Variants in MID1 observed in about 807,000 individuals in gnomAD.
The protein encoded by MID1 is E3 ubiquitin-protein ligase Midline-1.
A neutral mutation model predicts 40.4 loss-of-function variants in MID1; 7 were observed. The observed-to-expected ratio is 0.17, with a 90% CI of 0.10 to 0.33. The LOEUF (loss-of-function observed/expected upper bound fraction) is 0.33. MID1 is among the 10% of genes least tolerant of loss of function. MID1 has a pLI of 1.00. For synonymous variants in MID1, 229 were observed against 221.2 expected, an observed-to-expected ratio of 1.04 and a Z score of -0.31; for missense variants, 367 against 558.5, an observed-to-expected ratio of 0.66 and a Z score of 3.46.
intron 1 of MID1, among the ~76,000 whole-genome samples, chrX:10,703,504 A>G (rs903893352): frequency 9.0e-6 from 1 of 110,935 alleles, no homozygotes; most frequent in Admixed American, 9.6e-5. Flanking sequence ...CATCACTACT[A>G]AAAATACAAA....
At chrX:10,756,472 G>A (rs1378710466) in intron 1 of MID1, among the ~76,000 whole-genome samples, 6 of 112,016 alleles carry the variant, frequency 5.4e-5, no homozygotes, top group Non-Finnish European at 1.1e-4. Flanking sequence ...AAGTACAATC[G>A]TGTAGGGCAT....
intron 1 of MID1, among the ~76,000 whole-genome samples, chrX:10,581,256 A>C (rs1935011381): frequency 9.0e-6 from 1 of 110,698 alleles, no homozygotes; most frequent in South Asian, 3.7e-4. Context: ...AGTCATATAA[A>C]ACAAAACAAA....
rs1280889207 is a variant in MID1, at chrX:10,527,972, T to C, written c.661-4785A>G. ...GAGAACTCATCTACGATCATCTCCA[T>C]AGACCACCTAACCCATTTTTGCGTA... On this transcript the variant is annotated intron_variant, in intron 2 of 9. Coordinates refer to ENST00000317552, the MANE Select transcript of MID1 (RefSeq NM_000381.4). Among the ~76,000 whole-genome samples, 8 of 112,180 alleles carry C rather than the reference T, an allele frequency of 7.1e-5. No individual in the cohort carries two copies. The East Asian group carries it at 1.7e-3, about 24-fold the overall frequency.
intron 2 of MID1, among the ~76,000 whole-genome samples, chrX:10,539,187 T>A (rs1965010): frequency 0.45 from 49,365 of 110,785 alleles, 9,021 homozygotes; most frequent in African/African-American, 0.65. Context: ...TATTTTACTT[T>A]ACAAAAGTAA....
At chrX:10,702,024 T>C (rs780328434) in intron 1 of MID1, among the ~76,000 whole-genome samples, 33 of 112,835 alleles carry the variant, frequency 2.9e-4, no homozygotes, top group Non-Finnish European at 5.2e-4. Flanking sequence ...ATTGCAATCA[T>C]GTTTCTGCAC....
intron 1 of MID1, among the ~76,000 whole-genome samples, chrX:10,815,318 G>A (rs893049348): frequency 5.0e-4 from 56 of 112,059 alleles, no homozygotes; most frequent in African/African-American, 1.7e-3. Context: ...AGTGCAAGCT[G>A]AGCCAGAACA....
intron 1 of MID1, among the ~76,000 whole-genome samples, chrX:10,577,252 C>T (rs921072318): frequency 8.9e-6 from 1 of 111,947 alleles, no homozygotes; most frequent in Non-Finnish European, 1.9e-5. Flanking sequence ...GCTTTCAATG[C>T]CACCAATAGG....
intron 2 of MID1, among the ~76,000 whole-genome samples, chrX:10,529,696 C>T (rs140920058): frequency 4.5e-5 from 5 of 111,816 alleles, no homozygotes; most frequent in Admixed American, 3.8e-4. Context: ...AGCATGGGCG[C>T]AGTCTCTTCC....
chrX:10,826,313 C>A (rs1042793141), intron 1 of MID1, among the ~76,000 whole-genome samples: 1 of 111,545 alleles, frequency 9.0e-6, no homozygotes, highest in African/African-American at 3.3e-5. Context: ...TCTACCACCA[C>A]GATATTAGTA....
rs946015622 is a variant in MID1 at position 10,641,818 on chromosome X, G to A, written c.-186-21399C>T. Among the ~76,000 whole-genome samples, 8 of 111,015 alleles carry A rather than the reference G, an allele frequency of 7.2e-5. No individual in the cohort carries two copies. The South Asian group carries it at 1.2e-3, about 16-fold the overall frequency. On this transcript the variant is annotated intron_variant, in intron 1 of 10. Coordinates refer to the MID1 transcript ENST00000380785. ...CAGCACATCAAAACGTTTATCCACC[G>A]CGATCAAGTTGGCTTCATCCCTGGG...
At chrX:10,551,991 T>C (rs1184808970) in intron 2 of MID1, among the ~76,000 whole-genome samples, 1 of 110,644 alleles carries the variant, frequency 9.0e-6, no homozygotes, top group Non-Finnish European at 1.9e-5. Flanking sequence ...GGTTTCACTA[T>C]GTTGCCCAGG....
intron 2 of MID1, among the ~76,000 whole-genome samples, chrX:10,531,946 T>C (rs944302441): frequency 5.3e-5 from 6 of 112,491 alleles, no homozygotes; most frequent in Admixed American, 2.8e-4. Context: ...TAGAATCCTT[T>C]CAAATTCTCT....
chrX:10,766,797 G>C (rs779216060), intron 1 of MID1, among the ~76,000 whole-genome samples: 1 of 108,956 alleles, frequency 9.2e-6, no homozygotes, highest in South Asian at 4.1e-4. Context: ...GCATGTGCCT[G>C]AGTCAGGAGG....
At chrX:10,739,789 G>A (rs1017632753) in intron 1 of MID1, among the ~76,000 whole-genome samples, 12 of 112,159 alleles carry the variant, frequency 1.1e-4, no homozygotes, top group Admixed American at 1.0e-3. Context: ...AAACCAATTC[G>A]AATTGAATGG....
At chrX:10,606,948 G>A in intron 1 of MID1, among the ~76,000 whole-genome samples, 1 of 111,258 alleles carries the variant, frequency 9.0e-6, no homozygotes, top group Non-Finnish European at 1.9e-5. Flanking sequence ...GCCCAGGCTG[G>A]TCTCAAACTC....
intron 2 of MID1, chrX:10,565,094 T>A: frequency 3.1e-6 from 1 of 326,515 alleles, no homozygotes; most frequent in Non-Finnish European, 6.0e-6. Context: ...GCACAGCTCA[T>A]ACATGCATTG....
chrX:10,613,732 T>TATATATATATATATAGAG (rs1482081086), intron 1 of MID1, among the ~76,000 whole-genome samples: 1 of 17,474 alleles, frequency 5.7e-5, no homozygotes, highest in Non-Finnish European at 1.1e-4. Context: ...TATATATATA[T>TATATATATATATATAGAG]AGAGAGAGAG....
intron 1 of MID1, among the ~76,000 whole-genome samples, chrX:10,664,501 C>G (rs1338982330): frequency 2.7e-5 from 3 of 112,084 alleles, no homozygotes; most frequent in African/African-American, 9.7e-5. Flanking sequence ...CATTCATCCA[C>G]TGATAAACAT....
intron 1 of MID1, among the ~76,000 whole-genome samples, chrX:10,646,393 G>A (rs1355861664): frequency 9.0e-6 from 1 of 111,406 alleles, no homozygotes; most frequent in East Asian, 2.8e-4. Context: ...TAGTCCCAGG[G>A]TATATTTGGC....
Sources: gnomAD v4.1 joint callset for allele counts (sites outside exome capture counted in the v4.1 genomes callset) on GRCh38, gnomAD v4.1.1 for gene constraint, MANE v1.5 for transcripts, NCBI Gene and HGNC (gene_info 2026-07-23, HGNC 2026-07-21) for gene names.